The following ACTN4 variants were observed in gnomAD, a reference collection of about 807,000 sequenced individuals.
ACTN4 encodes the protein alpha-actinin-4.
A neutral mutation model predicts 114.2 loss-of-function variants in ACTN4; 18 were observed. That is an observed-to-expected ratio of 0.16 (90% confidence interval 0.11 to 0.23). ACTN4 has a LOEUF of 0.23. Ranked by LOEUF, ACTN4 falls within the 10% of genes least tolerant of loss-of-function variation. The pLI, the probability that ACTN4 is intolerant of heterozygous loss-of-function variation, is 1.00. For synonymous variants in ACTN4, 515 were observed against 506.3 expected, an observed-to-expected ratio of 1.02 and a Z score of -0.23; for missense variants, 722 against 1,262.9, an observed-to-expected ratio of 0.57 and a Z score of 6.49.
At chr19:38,665,657 G>A (rs1391633103) in intron 1 of ACTN4, among the ~76,000 whole-genome samples, 1 of 152,112 alleles carries the variant, frequency 6.6e-6, no homozygotes, top group Admixed American at 6.5e-5. Flanking sequence ...GTGACTTAAC[G>A]CAGCCCTCTC....
chr19:38,721,998 A>G (rs1969062089), intron 12 of ACTN4: 2 of 454,560 alleles, frequency 4.4e-6, no homozygotes, highest in Middle Eastern at 6.4e-4. Flanking sequence ...GGCCACCCCA[A>G]GTAGGCCCTG....
At chr19:38,700,887 C>T (rs937541359) in intron 2 of ACTN4, 115 bp from the exon 3 acceptor site, 1 of 1,497,146 alleles carries the variant, frequency 6.7e-7, no homozygotes, top group South Asian at 1.2e-5. Flanking sequence ...GGTGGGCCAG[C>T]AGAGGAACCT....
chr19:38,729,596 C>G lies in ACTN4; in HGVS notation c.*164C>G, dbSNP rs1568754964. 2 of 1,049,076 alleles carry G rather than the reference C, an allele frequency of 1.9e-6. No individual in the cohort carries two copies. The highest frequency in any genetic ancestry group is 4.0e-5 in the Admixed American group (2 of 50,134). The allele number at this position is 1,049,076 out of a possible 1,614,324, so 65.0% of individuals were successfully genotyped here. A position where few individuals can be genotyped will look rare whatever the true frequency, so the allele number is the denominator to read the frequency against. ...CTGGGGCAGGCTCTCTCCTCTCTCT[C>G]TTTGTGGGTTGGCCAGGAGGTTCCC... On this transcript the variant is annotated 3_prime_UTR_variant, in exon 21 of 21. Coordinates refer to ENST00000252699, the MANE Select transcript of ACTN4 (RefSeq NM_004924.6).
intron 12 of ACTN4, 151 bp downstream of exon 12, chr19:38,721,839 G>GGGCC: frequency 3.5e-6 from 4 of 1,156,890 alleles, no homozygotes; most frequent in Non-Finnish European, 5.0e-6. Context: ...AGCCAGGGAA[G>GGGCC]GGCCTTATGG....
chr19:38,729,839 AGG>A lies in ACTN4; in HGVS notation c.*408_*409del. On this transcript the variant is annotated 3_prime_UTR_variant, in exon 21 of 21. Coordinates refer to ENST00000252699, the MANE Select transcript of ACTN4 (RefSeq NM_004924.6). ...GGCCAAAGCCCCATGTGCCTTGTCCAGGAACTGCCTGGGCCATGCGAGGGGCC... is the reference window on the plus strand; with the variant it reads ...GGCCAAAGCCCCATGTGCCTTGTCCAAACTGCCTGGGCCATGCGAGGGGCC... 2.6e-6 allele frequency: 1 copy of A among 383,548 alleles called. No homozygotes were observed. Among genetic ancestry groups the A allele is most frequent in the South Asian group, 2.0e-5 (1 of 50,872 alleles). 23.8% of individuals were successfully genotyped at this position (383,548 alleles called of 1,614,324 possible). A position where few individuals can be genotyped will look rare whatever the true frequency, so the allele number is the denominator to read the frequency against.
intron 3 of ACTN4, among the ~76,000 whole-genome samples, chr19:38,701,894 G>A (rs150535655): frequency 5.5e-4 from 84 of 152,370 alleles, no homozygotes; most frequent in African/African-American, 1.8e-3. Context: ...ACTAATTGCC[G>A]TTAATGACAG....
chr19:38,714,487 C>A lies in ACTN4; in HGVS notation c.838C>A (p.Arg280=), dbSNP rs773886637. 7 of 1,613,764 alleles carry A rather than the reference C, an allele frequency of 4.3e-6. No individual in the cohort carries two copies. Among genetic ancestry groups the A allele is most frequent in the Non-Finnish European group, 5.9e-6 (7 of 1,179,996 alleles). The change falls in exon 9 of 21, where the codon CGG becomes AGG. Residue 280 remains arginine, a synonymous_variant. Transcript: ENST00000252699. The part of the protein sequence containing the change: ...GAQKAETAAN[R]ICKVLAVNQE... Reference sequence around the variant, plus strand: ...CCTCCAGGCTGAAACTGCCGCCAACCGGATCTGTAAGGTGCTGGCTGTCAA... The same window carrying A: ...CCTCCAGGCTGAAACTGCCGCCAACAGGATCTGTAAGGTGCTGGCTGTCAA...
chr19:38,689,761 C>T (rs1000140544), intron 1 of ACTN4, among the ~76,000 whole-genome samples: 4 of 152,010 alleles, frequency 2.6e-5, no homozygotes, highest in African/African-American at 9.7e-5. Flanking sequence ...GCAACCTTTG[C>T]CTCCCGGGTT....
At position 38,723,711 on chromosome 19, in the gene ACTN4, G is replaced by A. The variant is rs1282495634; in HGVS notation, c.1540G>A (p.Glu514Lys). The stretch of plus-strand genomic sequence containing the variant: ...CGGCTCTCTGACACATAGTCGCAGG[G>A]AAGCCCTGGAGGTGAGGAGGGGGTG... ...ALGSLTHSRR[E>K]ALEKTEKQLE... Residue 514 changes from glutamate (E) to lysine (K), a missense_variant, in exon 13 of 21, where the codon GAA becomes AAA. Around this residue, in one of 3 missense-constraint regions of ACTN4, gnomAD observed 523 missense variants for 875.9 expected, o/e 0.60. Transcript: ENST00000252699. 1 of 1,610,316 alleles carries A rather than the reference G, an allele frequency of 6.2e-7. No individual in the cohort carries two copies. Among genetic ancestry groups the A allele is most frequent in the Non-Finnish European group, 8.5e-7 (1 of 1,178,096 alleles).
chr19:38,662,012 C>A (rs1343122737), intron 1 of ACTN4, among the ~76,000 whole-genome samples: 2 of 152,232 alleles, frequency 1.3e-5, no homozygotes, highest in African/African-American at 4.8e-5. Context: ...ATAAATCCCT[C>A]TTTCACTTAG....
At chr19:38,683,606 G>A (rs919640458) in intron 1 of ACTN4, among the ~76,000 whole-genome samples, 3 of 152,202 alleles carry the variant, frequency 2.0e-5, no homozygotes, top group Non-Finnish European at 4.4e-5. Flanking sequence ...GTGAGTCACC[G>A]GTGATAGCCC....
chr19:38,729,629 G>T lies in ACTN4; in HGVS notation c.*197G>T, dbSNP rs1431350467. 1.2e-6 allele frequency: 1 copy of T among 811,918 alleles called. No homozygotes were observed. 50.3% of individuals were successfully genotyped at this position (811,918 alleles called of 1,614,324 possible). A position where few individuals can be genotyped will look rare whatever the true frequency, so the allele number is the denominator to read the frequency against. ...GTTGGCCAGGAGGTTCCCCCGACCA[G>T]GTTGGGGAGACTTGGGGCCAGCGCT... On this transcript the variant is annotated 3_prime_UTR_variant, in exon 21 of 21. Coordinates refer to ENST00000252699, the MANE Select transcript of ACTN4 (RefSeq NM_004924.6).
intron 11 of ACTN4, among the ~76,000 whole-genome samples, chr19:38,718,507 G>C (rs537433892): frequency 1.8e-4 from 28 of 152,222 alleles, no homozygotes; most frequent in Non-Finnish European, 2.4e-4. Flanking sequence ...CTGCACTCCA[G>C]CCTGGGTGAC....
At chr19:38,685,899 G>T (rs573564959) in intron 1 of ACTN4, among the ~76,000 whole-genome samples, 2 of 152,262 alleles carry the variant, frequency 1.3e-5, no homozygotes, top group South Asian at 4.2e-4. Context: ...CCCTTACCAC[G>T]ATTAAAGATT....
At chr19:38,713,313 C>G (rs1392054525) in intron 8 of ACTN4, among the ~76,000 whole-genome samples, 1 of 152,222 alleles carries the variant, frequency 6.6e-6, no homozygotes, top group African/African-American at 2.4e-5. Flanking sequence ...AACATGATTC[C>G]CTTGCCTTGC....
intron 17 of ACTN4, among the ~76,000 whole-genome samples, chr19:38,726,236 C>T (rs1364209419): frequency 6.7e-6 from 1 of 148,696 alleles, no homozygotes; most frequent in East Asian, 2.0e-4. Context: ...TGAGGTGAGC[C>T]GAGGTCATGC....
At chr19:38,700,469 G>A (rs1389585963) in intron 1 of ACTN4, 131 bp from the exon 2 acceptor site, 12 of 758,294 alleles carry the variant, frequency 1.6e-5, no homozygotes, top group Admixed American at 7.6e-5. Context: ...GGCCATGTAC[G>A]GTGTGTGTCG....
chr19:38,649,070 G>A (rs941613824), intron 1 of ACTN4, among the ~76,000 whole-genome samples: 1 of 151,200 alleles, frequency 6.6e-6, no homozygotes. Flanking sequence ...AATGAGTTTG[G>A]GGAGGAAGCG....
At chr19:38,716,014 G>A (rs1968827289) in intron 9 of ACTN4, among the ~76,000 whole-genome samples, 1 of 152,184 alleles carries the variant, frequency 6.6e-6, no homozygotes, top group Non-Finnish European at 1.5e-5. Context: ...CAGTTCTCCT[G>A]CCTCAGCCTC....
Sources: gnomAD v4.1 joint callset for allele counts (sites outside exome capture counted in the v4.1 genomes callset) on GRCh38, gnomAD v4.1.1 for gene constraint, gnomAD v4.1.1 regional missense constraint, MANE v1.5 for transcripts, NCBI Gene and HGNC (gene_info 2026-07-23, HGNC 2026-07-21) for gene names.